MAG: variants seen among roughly 807,000 people sequenced by gnomAD.
MAG encodes myelin-associated glycoprotein.
A neutral mutation model predicts 60.7 loss-of-function variants in MAG; 30 were observed. The observed-to-expected ratio is 0.49, with a 90% CI of 0.37 to 0.67. The LOEUF (loss-of-function observed/expected upper bound fraction) is 0.67, where lower values mean the gene tolerates loss of function less well. Ranked by LOEUF, MAG falls within the 30% of genes least tolerant of loss-of-function variation. The pLI is 0.00. For missense variants in MAG, 795 were observed against 851.7 expected (o/e 0.93, Z 0.83); for synonymous variants, 384 against 376.8 (o/e 1.02, Z -0.22).
At position 35,299,675 on chromosome 19, in the gene MAG, G is replaced by T; in HGVS notation, c.537G>T (p.Gly179=). The stretch of plus-strand genomic sequence containing the variant: ...AGCTGAGCTGGCTGGGCCACGAGGG[G>T]CTGGGGGAGCCCGCTGTGCTGGGCC... The part of the protein sequence containing the change: ...RPELSWLGHE[G]LGEPAVLGRL... The change falls in exon 5 of 11, where the codon GGG becomes GGT. Residue 179 remains glycine (G), a synonymous_variant. Transcript: ENST00000392213. 4.4e-6 allele frequency: 7 copies of T among 1,601,512 alleles called. No individual in the cohort carries two copies. The highest frequency in any genetic ancestry group is 2.3e-5 in the East Asian group (1 of 43,890).
In MAG at chr19:35,310,646, G is replaced by C; in HGVS notation, c.1616+3G>C. 1.2e-6 allele frequency: 2 copies of C among 1,613,896 alleles called. No individual in the cohort carries two copies. The highest frequency in any genetic ancestry group is 1.7e-6 in the Non-Finnish European group (2 of 1,179,972). ...TACATTACCCAGACACGCAGGAAGT[G>C]AGTGCCAGCTGGGGCTGATCTGGGG... On this transcript the variant is annotated splice_donor_region_variant and intron_variant, in intron 9 of 10. Coordinates refer to ENST00000392213, the MANE Select transcript of MAG (RefSeq NM_002361.4).
Position 35,293,722 on chromosome 19 carries a change from C to T in MAG, c.-79-513C>T, listed in dbSNP as rs2066374700. 6.6e-6 allele frequency among the ~76,000 whole-genome samples: 1 copy of T among 152,086 alleles called. No individual in the cohort carries two copies. Among genetic ancestry groups the T allele is most frequent in the Non-Finnish European group, 1.5e-5 (1 of 67,996 alleles). On this transcript the variant is annotated intron_variant, in intron 1 of 10. Coordinates refer to ENST00000392213, the MANE Select transcript of MAG (RefSeq NM_002361.4). The surrounding 1 kb of genome is among the most constrained non-coding windows in gnomAD (Gnocchi z 4.0). ...GAGTGCCTGACCCCTTTCTTACTCC[C>T]CACTTACCCTGAAAGCCCCCCGCAG...
intron 7 of MAG, among the ~76,000 whole-genome samples, chr19:35,307,023 G>C: frequency 6.6e-6 from 1 of 152,262 alleles, no homozygotes; most frequent in Non-Finnish European, 1.5e-5. Context: ...TACTAAGCAC[G>C]TGCACCGGCA....
chr19:35,311,861 C>T (rs1260497468), intron 9 of MAG, 57 bp from the exon 10 acceptor site: 28 of 1,281,824 alleles, frequency 2.2e-5, no homozygotes, highest in Non-Finnish European at 2.6e-5. Context: ...ACTCCTAAAA[C>T]ACGTGGGGGT....
intron 5 of MAG, 49 bp from the exon 6 acceptor site, chr19:35,300,098 C>G: frequency 2.0e-6 from 3 of 1,487,606 alleles, no homozygotes; most frequent in Non-Finnish European, 2.7e-6. Flanking sequence ...GGGCACTGGG[C>G]CGGTTCCCCA....
chr19:35,303,452 G>C (rs2145616683), intron 7 of MAG, among the ~76,000 whole-genome samples: 1 of 152,270 alleles, frequency 6.6e-6, no homozygotes, highest in East Asian at 1.9e-4. Context: ...ACCCAGAGAG[G>C]TTATGCCACT....
chr19:35,294,202 C>A lies in MAG; in HGVS notation c.-79-33C>A, dbSNP rs199648822. The A allele has an allele frequency of 1.0e-3, 420 of 413,172 alleles. 8 individuals are homozygous for A. Among genetic ancestry groups the A allele is most frequent in the South Asian group, 6.9e-3 (401 of 58,444 alleles). 25.6% of individuals were successfully genotyped at this position (413,172 alleles called of 1,614,324 possible). A position where few individuals can be genotyped will look rare whatever the true frequency, so the allele number is the denominator to read the frequency against. ...GTGGGTTGGGTGCCTCAATCCCGCC[C>A]CCTTGCACCTGAGTGACTCTTGTTG... On this transcript the variant is annotated intron_variant, in intron 1 of 10. Transcript: ENST00000392213.
At chr19:35,312,394 C>A (rs1169273529) in intron 10 of MAG, 2 of 1,385,834 alleles carry the variant, frequency 1.4e-6, no homozygotes, top group South Asian at 1.2e-5. Flanking sequence ...GCGTGCATGT[C>A]CGTGTGTCCC....
In MAG at chr19:35,295,511, G is replaced by A. The variant is rs373592019; in HGVS notation, c.46+57G>A. 6 of 1,611,492 alleles carry A rather than the reference G, an allele frequency of 3.7e-6. No individual in the cohort carries two copies. The highest frequency in any genetic ancestry group is 1.7e-5 in the Admixed American group (1 of 59,798). ...GCTTTGGCCCCTGAGCAGGTTGGAG[G>A]TGGGTCCCCGCAGCCCCCCGGCATG... On this transcript the variant is annotated intron_variant, in intron 3 of 10. Transcript: ENST00000392213. The surrounding 1 kb of genome is among the most constrained non-coding windows in gnomAD (Gnocchi z 5.8).
chr19:35,309,327 G>A (rs529922041), intron 7 of MAG, among the ~76,000 whole-genome samples: 2 of 152,304 alleles, frequency 1.3e-5, no homozygotes, highest in South Asian at 2.1e-4. Flanking sequence ...GTGCTACGGC[G>A]AGAGAAAGGG....
chr19:35,310,249 A>G (rs754685228), intron 8 of MAG, 88 bp downstream of exon 8: 11 of 1,442,430 alleles, frequency 7.6e-6, no homozygotes, highest in Non-Finnish European at 1.0e-5. Flanking sequence ...ACAGCCACAG[A>G]GCATGGGCTA....
intron 4 of MAG, among the ~76,000 whole-genome samples, chr19:35,298,520 C>T (rs2066420272): frequency 6.7e-6 from 1 of 150,076 alleles, no homozygotes; most frequent in Non-Finnish European, 1.5e-5. Flanking sequence ...TACCTCTACA[C>T]CAAACACACA....
chr19:35,300,167 A>G lies in MAG; in HGVS notation c.733A>G (p.Met245Val). ...DVKYPPVIVEMNSSVEAIEGS... is the reference protein window; with the variant it reads ...DVKYPPVIVEVNSSVEAIEGS... ...CTTAGACCCCCCGGTGATTGTGGAG[A>G]TGAACTCCTCGGTGGAGGCCATCGA... is the stretch of plus-strand genomic sequence containing the variant. The change falls in exon 6 of 11, where the codon ATG (methionine) becomes GTG (valine). Residue 245 changes from methionine to valine, a missense_variant. Met to Val is a conservative substitution (Grantham distance 21, BLOSUM62 1). Coordinates refer to ENST00000392213, the MANE Select transcript of MAG (RefSeq NM_002361.4). 6.5e-7 allele frequency: 1 copy of G among 1,544,130 alleles called. No individual in the cohort carries two copies. The highest frequency in any genetic ancestry group is 8.8e-7 in the Non-Finnish European group (1 of 1,141,046).
chr19:35,310,279 C>A, intron 8 of MAG, 118 bp downstream of exon 8: 11 of 1,321,866 alleles, frequency 8.3e-6, no homozygotes, highest in Non-Finnish European at 1.1e-5. Flanking sequence ...ACAGAAAGGT[C>A]AAATTCTCCC....
chr19:35,295,782 G>C lies in MAG; in HGVS notation c.216G>C (p.Val72=), dbSNP rs200631477. The C allele has an allele frequency of 1.7e-4, 270 of 1,613,896 alleles. No homozygotes were observed. The highest frequency in any genetic ancestry group is 6.6e-4 in the Middle Eastern group (4 of 6,084). The change falls in exon 4 of 11, where the codon GTG becomes GTC. Residue 72 remains valine (V), a synonymous_variant. Transcript: ENST00000392213. This position sits in a 1 kb window ranked among gnomAD's most constrained non-coding sequence, Gnocchi z 5.8. ...NSPYPKNYPP[V]VFKSRTQVVH... ...CCTACCCCAAGAACTACCCCCCGGT[G>C]GTCTTCAAGTCGCGCACCCAAGTAG... is the stretch of plus-strand genomic sequence containing the variant.
At chr19:35,301,255 C>T (rs565309809) in intron 6 of MAG, among the ~76,000 whole-genome samples, 13 of 152,232 alleles carry the variant, frequency 8.5e-5, no homozygotes, top group African/African-American at 2.4e-4. Flanking sequence ...CCCTTGTATG[C>T]ACATTTATAT....
At chr19:35,294,147 A>T (rs2066378600) in intron 1 of MAG, 88 bp from the exon 2 acceptor site, 1 of 330,786 alleles carries the variant, frequency 3.0e-6, no homozygotes, top group Non-Finnish European at 5.9e-6. Context: ...ACAACAGGTC[A>T]CAACCCATGC....
intron 7 of MAG, 104 bp from the exon 8 acceptor site, chr19:35,309,770 C>G: frequency 7.9e-7 from 1 of 1,261,692 alleles, no homozygotes; most frequent in Non-Finnish European, 1.1e-6. Flanking sequence ...GAAGCTACCG[C>G]CCCCATCCTT....
At position 35,293,683 on chromosome 19, in the gene MAG, C is replaced by T. The variant is rs1346022966; in HGVS notation, c.-79-552C>T. Among the ~76,000 whole-genome samples the T allele has an allele frequency of 2.0e-5, 3 of 152,136 alleles. No individual in the cohort carries two copies. Among genetic ancestry groups the T allele is most frequent in the Admixed American group, 6.5e-5 (1 of 15,284 alleles). ...CACCCTGGGCCTTCCTGGCCCTGCT[C>T]AAAGGCCAGCCAGGAGTGCCTGACC... On this transcript the variant is annotated intron_variant, in intron 1 of 10. Coordinates refer to ENST00000392213, the MANE Select transcript of MAG (RefSeq NM_002361.4). The surrounding 1 kb of genome is among the most constrained non-coding windows in gnomAD (Gnocchi z 4.0).
Sources: gnomAD v4.1 joint callset for allele counts (sites outside exome capture counted in the v4.1 genomes callset) on GRCh38, gnomAD v4.1.1 for gene constraint, Gnocchi (gnomAD v3.1) non-coding constraint, MANE v1.5 for transcripts, NCBI Gene and HGNC (gene_info 2026-07-23, HGNC 2026-07-21) for gene names.